The following FAT3 variants were observed in gnomAD, a reference collection of about 807,000 sequenced individuals.
FAT3 encodes FAT atypical cadherin 3, also known as protocadherin Fat 3.
FAT3 carries 95 observed loss-of-function variants against 310.2 expected under a neutral mutation model. That is an observed-to-expected ratio of 0.31 (90% CI 0.26 to 0.36). The LOEUF is 0.36. FAT3 is among the 10% of genes least tolerant of loss of function. FAT3 has a pLI of 1.00. For missense variants in FAT3, 5,408 were observed against 5,715.6 expected (o/e 0.95, Z 1.74); for synonymous variants, 2,314 against 2,192.9 (o/e 1.06, Z -1.54).
intron 1 of FAT3, among the ~76,000 whole-genome samples, chr11:92,266,772 A>G (rs934328763): frequency 6.6e-6 from 1 of 152,048 alleles, no homozygotes; most frequent in Non-Finnish European, 1.5e-5. Flanking sequence ...GATGGTGAAT[A>G]TTTGCCAGAA....
chr11:92,234,081 A>G (rs970884361), intron 1 of FAT3, among the ~76,000 whole-genome samples: 7 of 152,254 alleles, frequency 4.6e-5, no homozygotes, highest in Admixed American at 2.6e-4. Context: ...TATACAATAG[A>G]TATGTTTTTA....
intron 2 of FAT3, among the ~76,000 whole-genome samples, chr11:92,458,634 G>A (rs1224708460): frequency 1.3e-5 from 2 of 152,158 alleles, no homozygotes; most frequent in Non-Finnish European, 2.9e-5. Context: ...CAGTTTCCAT[G>A]GTGGTGTGGA....
chr11:92,443,780 G>T (rs930162602), intron 2 of FAT3, among the ~76,000 whole-genome samples: 1 of 152,100 alleles, frequency 6.6e-6, no homozygotes, highest in African/African-American at 2.4e-5. Context: ...AGCATGAGGA[G>T]ATGGTTACGA....
At chr11:92,797,033 C>T (rs999510146) in intron 9 of FAT3, among the ~76,000 whole-genome samples, 1 of 152,206 alleles carries the variant, frequency 6.6e-6, no homozygotes, top group Non-Finnish European at 1.5e-5. Context: ...ACACTAGAAA[C>T]ACCTCAAATG....
chr11:92,634,040 A>G (rs539020203), intron 3 of FAT3, among the ~76,000 whole-genome samples: 21 of 152,310 alleles, frequency 1.4e-4, no homozygotes, highest in Non-Finnish European at 2.8e-4. Flanking sequence ...TATGACAAGG[A>G]AGTGAGACAC....
At chr11:92,308,973 C>T (rs2134448950) in intron 1 of FAT3, among the ~76,000 whole-genome samples, 1 of 152,084 alleles carries the variant, frequency 6.6e-6, no homozygotes, top group African/African-American at 2.4e-5. Context: ...TAATTGGGTC[C>T]TCTGGAATTC....
intron 1 of FAT3, among the ~76,000 whole-genome samples, chr11:92,299,487 T>A (rs535301594): frequency 6.6e-6 from 1 of 152,134 alleles, no homozygotes; most frequent in African/African-American, 2.4e-5. Context: ...GCTTCTAATG[T>A]GTGCAGTATG....
In FAT3 at chr11:92,894,851, T is replaced by C. The variant is rs1445842869; in HGVS notation, c.*3738T>C. On this transcript the variant is annotated 3_prime_UTR_variant, in exon 28 of 28. Transcript: ENST00000525166. ...TAGTTTCTGGGATTTGCCTGGAACT[T>C]CCCTTGGACATTACTAGCACATTCT... is the stretch of plus-strand genomic sequence containing the variant. The C allele has an allele frequency of 6.6e-6, 1 of 152,098 alleles. No homozygotes were observed. Among genetic ancestry groups the C allele is most frequent in the Admixed American group, 6.6e-5 (1 of 15,244 alleles). 9.4% of individuals were successfully genotyped at this position (152,098 alleles called of 1,614,324 possible).
Position 92,290,578 on chromosome 11 carries a change from G to A in FAT3, c.-17-61518G>A, listed in dbSNP as rs75071465. On this transcript the variant is annotated intron_variant, in intron 1 of 27. Coordinates refer to ENST00000525166, the MANE Select transcript of FAT3 (RefSeq NM_001367949.2). The stretch of plus-strand genomic sequence containing the variant: ...TCGAGACCACCCTTTCCAACATGGC[G>A]AAACCCCATTTCCACACACACACAA... 3.2e-4 allele frequency among the ~76,000 whole-genome samples: 48 copies of A among 151,798 alleles called. No individual in the cohort carries two copies. The East Asian group carries it at 6.6e-3, about 21-fold the overall frequency.
At chr11:92,263,339 C>CCA (rs550838663) in intron 1 of FAT3, among the ~76,000 whole-genome samples, 4 of 151,288 alleles carry the variant, frequency 2.6e-5, no homozygotes, top group Admixed American at 6.6e-5. Flanking sequence ...CACACACACA[C>CCA]CACACACACA....
At chr11:92,377,905 C>T (rs1487958229) in intron 2 of FAT3, among the ~76,000 whole-genome samples, 2 of 152,172 alleles carry the variant, frequency 1.3e-5, no homozygotes, top group Non-Finnish European at 2.9e-5. Flanking sequence ...GCTTTACCTC[C>T]GAGTACATGG....
rs1312212483 is a variant in FAT3 at position 92,353,896 on chromosome 11, G to A, written c.1784G>A (p.Gly595Asp). The change falls in exon 2 of 28, where the codon GGT becomes GAT. Residue 595 changes from glycine (G) to aspartate (D), a missense_variant. Gly to Asp is a moderately conservative substitution (Grantham distance 94). This residue lies in a region of FAT3 where 4,588 missense variants were observed against 4,809.8 expected (regional missense o/e 0.95). Transcript: ENST00000525166. Reference sequence around the variant, plus strand: ...ATTTCATATGACTTTCCAGTTGGTGGTCACATCACAGCAGTCTCAGCGATC... The same window carrying A: ...ATTTCATATGACTTTCCAGTTGGTGATCACATCACAGCAGTCTCAGCGATC... ...GVISYDFPVG[G>D]HITAVSAIDI... 1.2e-6 allele frequency: 2 copies of A among 1,613,220 alleles called. No individual in the cohort carries two copies. Among genetic ancestry groups the A allele is most frequent in the Non-Finnish European group, 1.7e-6 (2 of 1,179,410 alleles).
At chr11:92,465,923 A>G (rs1173521058) in intron 2 of FAT3, among the ~76,000 whole-genome samples, 4 of 152,202 alleles carry the variant, frequency 2.6e-5, no homozygotes, top group African/African-American at 4.8e-5. Flanking sequence ...ATAATTCCTA[A>G]GAGTAAAACA....
chr11:92,511,422 C>G (rs1038998637), intron 2 of FAT3, among the ~76,000 whole-genome samples: 4 of 151,832 alleles, frequency 2.6e-5, no homozygotes, highest in Non-Finnish European at 4.4e-5. Flanking sequence ...GGGAGCTTGT[C>G]TTTAAAGAAC....
chr11:92,669,783 G>A (rs780338401), intron 3 of FAT3, among the ~76,000 whole-genome samples: 3 of 152,170 alleles, frequency 2.0e-5, no homozygotes, highest in Non-Finnish European at 1.5e-5. Context: ...ATCATGTACT[G>A]TCTGAACTGC....
At chr11:92,632,839 G>C (rs1004698376) in intron 3 of FAT3, among the ~76,000 whole-genome samples, 22 of 152,162 alleles carry the variant, frequency 1.4e-4, no homozygotes, top group African/African-American at 4.8e-4. Flanking sequence ...TGCAGCCTTA[G>C]GTCAGAAGGG....
intron 2 of FAT3, among the ~76,000 whole-genome samples, chr11:92,513,252 A>G (rs1299473994): frequency 3.3e-5 from 5 of 151,888 alleles, no homozygotes; most frequent in Non-Finnish European, 7.4e-5. Context: ...TATAGGAGTG[A>G]GTGGAGTGAC....
intron 4 of FAT3, among the ~76,000 whole-genome samples, chr11:92,705,379 TTGG>T (rs1187489448): frequency 9.5e-4 from 63 of 66,046 alleles, no homozygotes; most frequent in Admixed American, 1.5e-3. Flanking sequence ...GGTGATGGTG[TTGG>T]TGGTGGTGGT....
At chr11:92,252,797 A>G (rs902984775) in intron 1 of FAT3, among the ~76,000 whole-genome samples, 3 of 152,132 alleles carry the variant, frequency 2.0e-5, no homozygotes, top group Admixed American at 6.6e-5. Context: ...TAGGCCACTT[A>G]CTTGGCAAAG....
Sources: allele counts gnomAD v4.1 joint callset (sites outside exome capture counted in the v4.1 genomes callset), GRCh38; gene constraint gnomAD v4.1.1; regional missense constraint gnomAD v4.1.1; transcripts MANE v1.5; gene names NCBI Gene and HGNC (gene_info 2026-07-23, HGNC 2026-07-21).